Variants in SLC18A2 observed in about 807,000 individuals in gnomAD.
SLC18A2 encodes synaptic vesicular amine transporter.
In SLC18A2, 33 loss-of-function variants were observed where a neutral mutation model predicts 59.2. The ratio of observed to expected loss-of-function variants is 0.56; its 90% confidence interval spans 0.42 to 0.75. The LOEUF (loss-of-function observed/expected upper bound fraction) is 0.75. Ranked by LOEUF, SLC18A2 falls within the 30% of genes least tolerant of loss-of-function variation. SLC18A2 has a pLI of 0.00. For missense variants in SLC18A2, 569 were observed against 668.6 expected, an observed-to-expected ratio of 0.85 and a Z score of 1.64; for synonymous variants, 228 against 253.5, an observed-to-expected ratio of 0.90 and a Z score of 0.95.
intron 10 of SLC18A2, among the ~76,000 whole-genome samples, chr10:117,259,410 C>T (rs1207894988): frequency 6.6e-6 from 1 of 152,132 alleles, no homozygotes; most frequent in African/African-American, 2.4e-5. Context: ...GACTTCCTTC[C>T]CCATCACCCC....
At chr10:117,247,304 T>C (rs1251539587) in intron 3 of SLC18A2, among the ~76,000 whole-genome samples, 6 of 152,188 alleles carry the variant, frequency 3.9e-5, no homozygotes, top group Non-Finnish European at 7.3e-5. Context: ...TAGTTAAAAA[T>C]ATGGAGCATC....
At chr10:117,252,140 T>TG (rs1411235941) in intron 3 of SLC18A2, among the ~76,000 whole-genome samples, 5 of 127,324 alleles carry the variant, frequency 3.9e-5, no homozygotes, top group African/African-American at 1.9e-4. Context: ...TTGTATTTTT[T>TG]TTTTTTTTTT....
At chr10:117,242,852 C>G (rs1376878312) in intron 2 of SLC18A2, among the ~76,000 whole-genome samples, 1 of 152,148 alleles carries the variant, frequency 6.6e-6, no homozygotes, top group African/African-American at 2.4e-5. Context: ...CCTGCATTAG[C>G]CTCCCGAGTA....
chr10:117,249,963 T>C (rs1844143992), intron 3 of SLC18A2, among the ~76,000 whole-genome samples: 1 of 152,152 alleles, frequency 6.6e-6, no homozygotes, highest in South Asian at 2.1e-4. Flanking sequence ...AGGCCCTGAA[T>C]TGAGACAAGG....
Position 117,266,811 on chromosome 10 carries a change from G to T in SLC18A2, c.1070G>T (p.Arg357Met). 1 of 1,611,456 alleles carries T rather than the reference G, an allele frequency of 6.2e-7. No homozygotes were observed. Among genetic ancestry groups the T allele is most frequent in the Non-Finnish European group, 8.5e-7 (1 of 1,177,986 alleles). ...IFGILAHKMGRWLCALLGMII... is the reference protein window; with the variant it reads ...IFGILAHKMGMWLCALLGMII... ...GGGATACTTGCACACAAAATGGGGA[G>T]GTAAGATGATATGAAAACAACACTC... The change falls in exon 11 of 16, where the codon AGG becomes ATG. Residue 357 changes from arginine (R) to methionine (M), a missense_variant and splice_region_variant. Arg to Met is a moderately conservative substitution (Grantham distance 91). Coordinates refer to ENST00000644641, the MANE Select transcript of SLC18A2 (RefSeq NM_003054.6).
intron 3 of SLC18A2, 80 bp downstream of exon 3, chr10:117,244,393 A>C (rs954328937): frequency 1.5e-6 from 2 of 1,314,708 alleles, no homozygotes; most frequent in African/African-American, 2.9e-5. Context: ...TCTGCTTCTT[A>C]CTCATTGGTG....
At chr10:117,260,421 C>T (rs3026060) in intron 10 of SLC18A2, among the ~76,000 whole-genome samples, 5,767 of 152,262 alleles carry the variant, frequency 0.038, 360 homozygotes, top group African/African-American at 0.13. Flanking sequence ...GCATTCTCTG[C>T]GGTGTCCTCT....
At chr10:117,253,560 C>CGG (rs199881047) in intron 4 of SLC18A2, 103 bp downstream of exon 4, 223 of 175,400 alleles carry the variant, frequency 1.3e-3, no homozygotes, top group African/African-American at 0.012. Context: ...GGCGGGGGGG[C>CGG]GGGGGGGGTC....
intron 15 of SLC18A2, 89 bp downstream of exon 15, chr10:117,270,552 T>C: frequency 3.4e-6 from 5 of 1,462,468 alleles, no homozygotes; most frequent in Non-Finnish European, 3.7e-6. Flanking sequence ...TTCTAAAGCC[T>C]TCAAACATAA....
chr10:117,256,853 G>C (rs936853255), intron 9 of SLC18A2, among the ~76,000 whole-genome samples: 1 of 152,178 alleles, frequency 6.6e-6, no homozygotes, highest in African/African-American at 2.4e-5. Context: ...GAGCAGGGCT[G>C]TGCAGCCTGG....
At chr10:117,257,458 T>A (rs976961230) in intron 9 of SLC18A2, among the ~76,000 whole-genome samples, 1 of 152,100 alleles carries the variant, frequency 6.6e-6, no homozygotes, top group African/African-American at 2.4e-5. Context: ...GTGGCCTGAT[T>A]GCTGGGTGGC....
At position 117,277,263 on chromosome 10, in the gene SLC18A2, CTGAGA is replaced by C. The variant is rs761665873; in HGVS notation, c.*4_*8del. 9.2e-5 allele frequency: 145 copies of C among 1,567,784 alleles called. 1 individual carries two copies. In the African/African-American group the frequency reaches 1.1e-3, roughly 12 times the overall value. On this transcript the variant is annotated stop_retained_variant and 3_prime_UTR_variant, in exon 16 of 16. Transcript: ENST00000644641. ...GTGAAGATGAAGAATCTGAAAGTGA[CTGAGA>C]TGAGATCCTCAAAAATCATCAAAGT...
chr10:117,249,366 C>G (rs530533969), intron 3 of SLC18A2, among the ~76,000 whole-genome samples: 18 of 152,354 alleles, frequency 1.2e-4, no homozygotes, highest in African/African-American at 4.3e-4. Flanking sequence ...TCTCTGGTAG[C>G]TGAAAAAGAC....
chr10:117,263,042 C>T (rs1284557491), intron 10 of SLC18A2, among the ~76,000 whole-genome samples: 2 of 152,322 alleles, frequency 1.3e-5, no homozygotes, highest in East Asian at 1.9e-4. Context: ...CTATCACCGG[C>T]GCCAGACGTT....
At chr10:117,242,743 G>GT (rs1233531017) in intron 2 of SLC18A2, among the ~76,000 whole-genome samples, 6 of 152,196 alleles carry the variant, frequency 3.9e-5, no homozygotes, top group East Asian at 1.9e-4. Context: ...GTTTTTGTTT[G>GT]TTTTTTTGAA....
intron 9 of SLC18A2, among the ~76,000 whole-genome samples, chr10:117,257,281 G>A (rs962058621): frequency 6.6e-6 from 1 of 151,950 alleles, no homozygotes; most frequent in Non-Finnish European, 1.5e-5. Context: ...CTTATGTACC[G>A]CTGAACCCCG....
intron 13 of SLC18A2, among the ~76,000 whole-genome samples, chr10:117,268,975 A>C (rs1005945091): frequency 2.0e-5 from 2 of 100,508 alleles, no homozygotes; most frequent in Non-Finnish European, 4.6e-5. Context: ...CTCATACACA[A>C]ACACACACAT....
intron 10 of SLC18A2, 66 bp from the exon 11 acceptor site, chr10:117,266,666 GT>G: frequency 8.1e-7 from 1 of 1,230,060 alleles, no homozygotes; most frequent in South Asian, 1.3e-5. Flanking sequence ...GGTGTCTACA[GT>G]TATTACTTTT....
intron 10 of SLC18A2, among the ~76,000 whole-genome samples, chr10:117,263,038 C>T (rs1844311574): frequency 6.6e-6 from 1 of 152,218 alleles, no homozygotes; most frequent in Non-Finnish European, 1.5e-5. Flanking sequence ...GGGCCTATCA[C>T]CGGCGCCAGA....
Sources: gnomAD v4.1 joint callset for allele counts (sites outside exome capture counted in the v4.1 genomes callset) on GRCh38, gnomAD v4.1.1 for gene constraint, MANE v1.5 for transcripts, NCBI Gene and HGNC (gene_info 2026-07-23, HGNC 2026-07-21) for gene names.